ZNF740: variants seen among roughly 807,000 people sequenced by gnomAD.
ZNF740 encodes the protein oriLyt TD-element-binding protein 7.
A neutral mutation model predicts 24.8 loss-of-function variants in ZNF740; 14 were observed. That is an observed-to-expected ratio of 0.56 (90% confidence interval 0.37 to 0.88). The LOEUF (loss-of-function observed/expected upper bound fraction) is 0.88. Among genes scored for constraint, ZNF740 ranks in the 40% least tolerant of loss-of-function variants. The pLI is 0.00. For missense variants in ZNF740, 201 were observed against 247.9 expected (o/e 0.81, Z 1.27); for synonymous variants, 69 against 84.0 (o/e 0.82, Z 0.98).
At position 53,187,998 on chromosome 12, in the gene ZNF740, C is replaced by T. The variant is rs1004547911; in HGVS notation, c.*408C>T. 1.5e-5 allele frequency: 3 copies of T among 201,584 alleles called. No individual in the cohort carries two copies. Among genetic ancestry groups the T allele is most frequent in the African/African-American group, 2.3e-5 (1 of 43,330 alleles). 12.5% of individuals were successfully genotyped at this position (201,584 alleles called of 1,614,324 possible). On this transcript the variant is annotated 3_prime_UTR_variant, in exon 7 of 7. Coordinates refer to ENST00000416904, the MANE Select transcript of ZNF740 (RefSeq NM_001004304.4). ...TTTGTTTATCCAAAAGCAACTTCAGCGGGTAAACTGTGGATACAGGTAATC... is the reference window on the plus strand; with the variant it reads ...TTTGTTTATCCAAAAGCAACTTCAGTGGGTAAACTGTGGATACAGGTAATC...
At position 53,189,926 on chromosome 12, in the gene ZNF740, T is replaced by C. The variant is rs1377902813; in HGVS notation, c.*2336T>C. The C allele has an allele frequency of 1.3e-5, 2 of 151,662 alleles. No homozygotes were observed. Among genetic ancestry groups the C allele is most frequent in the Non-Finnish European group, 2.9e-5 (2 of 67,992 alleles). The allele number at this position is 151,662 out of a possible 1,614,324, so 9.4% of individuals were successfully genotyped here. A position where few individuals can be genotyped will look rare whatever the true frequency, so the allele number is the denominator to read the frequency against. The stretch of plus-strand genomic sequence containing the variant: ...ATAGGGGTGTATGTGGAGAGATTCA[T>C]GTAAGTCTCACATGAGTGACCTGTG... On this transcript the variant is annotated 3_prime_UTR_variant, in exon 7 of 7. Transcript: ENST00000416904.
chr12:53,192,846 T>G lies in ZNF740; in HGVS notation c.*5256T>G, dbSNP rs1235576801. 1.2e-6 allele frequency: 2 copies of G among 1,614,202 alleles called. No homozygotes were observed. Among genetic ancestry groups the G allele is most frequent in the East Asian group, 2.2e-5 (1 of 44,886 alleles). ...TGCAACTGTCCATGTCCCCACTGCATTCGCATGCTCTGCCCGTGCGGTTGG... is the reference window on the plus strand; with the variant it reads ...TGCAACTGTCCATGTCCCCACTGCAGTCGCATGCTCTGCCCGTGCGGTTGG... On this transcript the variant is annotated 3_prime_UTR_variant, in exon 7 of 7. Transcript: ENST00000416904.
In ZNF740 at chr12:53,193,263, G is replaced by T. The variant is rs746919390; in HGVS notation, c.*5673G>T. ...CAGTGACCCTTTCCACTGCACAGGG[G>T]CCCTGTGCCATTGGGAGCCCGGCAC... On this transcript the variant is annotated 3_prime_UTR_variant, in exon 7 of 7. Coordinates refer to ENST00000416904, the MANE Select transcript of ZNF740 (RefSeq NM_001004304.4). 11 of 1,613,632 alleles carry T rather than the reference G, an allele frequency of 6.8e-6. No individual in the cohort carries two copies. The highest frequency in any genetic ancestry group is 2.2e-5 in the South Asian group (2 of 91,068).
intron 6 of ZNF740, among the ~76,000 whole-genome samples, chr12:53,187,051 A>G (rs1178437810): frequency 1.3e-5 from 2 of 152,230 alleles, no homozygotes; most frequent in Non-Finnish European, 2.9e-5. Flanking sequence ...TCCTGGATGC[A>G]TTGCTAGGTC....
intron 1 of ZNF740, 81 bp from the exon 2 acceptor site, chr12:53,181,596 C>CA (rs370653283): frequency 8.9e-3 from 6,252 of 699,832 alleles, no homozygotes; most frequent in African/African-American, 0.015. Context: ...GAGCGCCCAG[C>CA]AAAAAAAAAA....
Position 53,186,417 on chromosome 12 carries a change from T to C in ZNF740, c.400T>C (p.Cys134Arg). ...TGAGAAGCCATTTGAATGCGATATA[T>C]GTGATATGCGTTTCATCCAGAAGTA... ...TGEKPFECDI[C>R]DMRFIQKYHL... The change falls in exon 6 of 7, where the codon TGT becomes CGT. Residue 134 changes from cysteine (C) to arginine (R), a missense_variant. Physicochemically the swap from Cys to Arg is radical, Grantham distance 180 (BLOSUM62 -3). Around this residue, in one of 3 missense-constraint regions of ZNF740, gnomAD observed 60 missense variants for 107.8 expected, o/e 0.56. Transcript: ENST00000416904. The C allele has an allele frequency of 6.3e-7, 1 of 1,586,174 alleles. No individual in the cohort carries two copies. Among genetic ancestry groups the C allele is most frequent in the Non-Finnish European group, 8.6e-7 (1 of 1,165,506 alleles).
rs1314561122 is a variant in ZNF740 at position 53,188,737 on chromosome 12, C to T, written c.*1147C>T. ...TCTCGGCTTGCTTCCTGATGGCCAT[C>T]CCTACCCAACAGAGTGTGGGGGATG... is the stretch of plus-strand genomic sequence containing the variant. On this transcript the variant is annotated 3_prime_UTR_variant, in exon 7 of 7. Coordinates refer to ENST00000416904, the MANE Select transcript of ZNF740 (RefSeq NM_001004304.4). 6.6e-6 allele frequency: 1 copy of T among 152,126 alleles called. No individual in the cohort carries two copies. Among genetic ancestry groups the T allele is most frequent in the Non-Finnish European group, 1.5e-5 (1 of 68,064 alleles). 9.4% of individuals were successfully genotyped at this position (152,126 alleles called of 1,614,324 possible). A position where few individuals can be genotyped will look rare whatever the true frequency, so the allele number is the denominator to read the frequency against.
intron 4 of ZNF740, among the ~76,000 whole-genome samples, 181 bp from the exon 5 acceptor site, chr12:53,185,773 C>CCCACT (rs1000833153): frequency 4.8e-4 from 73 of 152,324 alleles, no homozygotes; most frequent in African/African-American, 1.7e-3. Flanking sequence ...AGACAGCTTA[C>CCCACT]CCACTCCACC....
In ZNF740 at chr12:53,193,584, C is replaced by CTT. The variant is rs374740581; in HGVS notation, c.*5995_*5996insTT. On this transcript the variant is annotated 3_prime_UTR_variant, in exon 7 of 7. Transcript: ENST00000416904. ...ACATGGGAAGCTTCAAGGGATGAAA[C>CTT]TGAGTGGGGAGTCGGGATGTCGAGG... The CTT allele has an allele frequency of 1.9e-3, 1,701 of 908,704 alleles. 26 individuals carry two copies. The African/African-American group carries it at 0.026, about 14-fold the overall frequency. The allele number at this position is 908,704 out of a possible 1,614,324, so 56.3% of individuals were successfully genotyped here.
At chr12:53,187,367 C>T (rs1476596187) in intron 6 of ZNF740, 134 bp from the exon 7 acceptor site, 4 of 718,836 alleles carry the variant, frequency 5.6e-6, no homozygotes, top group Non-Finnish European at 9.7e-6. Flanking sequence ...TTCTCCACCA[C>T]CGTGTGCTCC....
At position 53,192,823 on chromosome 12, in the gene ZNF740, C is replaced by T. The variant is rs1017309968; in HGVS notation, c.*5233C>T. The T allele has an allele frequency of 8.1e-6, 13 of 1,614,234 alleles. No individual in the cohort carries two copies. The highest frequency in any genetic ancestry group is 1.1e-5 in the Non-Finnish European group (13 of 1,180,050). On this transcript the variant is annotated 3_prime_UTR_variant, in exon 7 of 7. Coordinates refer to ENST00000416904, the MANE Select transcript of ZNF740 (RefSeq NM_001004304.4). ...GCAGAGCCCTCCCTCGGGACTGATG[C>T]AACTGTCCATGTCCCCACTGCATTC...
chr12:53,187,318 C>G (rs1156992546), intron 6 of ZNF740, among the ~76,000 whole-genome samples, 183 bp from the exon 7 acceptor site: 2 of 152,156 alleles, frequency 1.3e-5, no homozygotes, highest in Non-Finnish European at 2.9e-5. Flanking sequence ...GTGATAGAGC[C>G]AAGATTCAGC....
At position 53,187,616 on chromosome 12, in the gene ZNF740, G is replaced by T; in HGVS notation, c.*26G>T. 1 of 1,592,652 alleles carries T rather than the reference G, an allele frequency of 6.3e-7. No individual in the cohort carries two copies. The highest frequency in any genetic ancestry group is 8.6e-7 in the Non-Finnish European group (1 of 1,160,766). On this transcript the variant is annotated 3_prime_UTR_variant, in exon 7 of 7. Transcript: ENST00000416904. ...GCGCAAGGGGCCCCGGGTGGTGGGAGTGATCAGAAGAACCTGCCGAAGAGC... is the reference window on the plus strand; with the variant it reads ...GCGCAAGGGGCCCCGGGTGGTGGGATTGATCAGAAGAACCTGCCGAAGAGC...
chr12:53,185,071 G>C (rs1383397919), intron 3 of ZNF740, 31 bp downstream of exon 3: 2 of 1,610,892 alleles, frequency 1.2e-6, no homozygotes, highest in Non-Finnish European at 1.7e-6. Flanking sequence ...GTGGCACCTG[G>C]GGATCGGGTG....
At position 53,180,768 on chromosome 12, in the gene ZNF740, G is replaced by C. The variant is rs757330442; in HGVS notation, c.-377G>C. The C allele has an allele frequency of 3.9e-6, 5 of 1,273,040 alleles. No individual in the cohort carries two copies. The South Asian group carries it at 6.3e-5, about 16-fold the overall frequency. The allele number at this position is 1,273,040 out of a possible 1,614,324, so 78.9% of individuals were successfully genotyped here. A position where few individuals can be genotyped will look rare whatever the true frequency, so the allele number is the denominator to read the frequency against. On this transcript the variant is annotated 5_prime_UTR_variant, in exon 1 of 7. Transcript: ENST00000416904. ...TGGGGGCAGCCGCGGCGGTGGGGTT[G>C]GCAGGGTGTGCTGGGGCCTGGAGGA...
rs369355544 is a variant in ZNF740, at chr12:53,181,929, A to G, written c.-55A>G. The G allele has an allele frequency of 1.9e-6, 3 of 1,591,170 alleles. No individual in the cohort carries two copies. Among genetic ancestry groups the G allele is most frequent in the African/African-American group, 2.7e-5 (2 of 74,562 alleles). ...TCTTCAAAACGACAGTGTCTCAAGG[A>G]AAGGTGGACCTAGGAACTCCTGAAC... On this transcript the variant is annotated 5_prime_UTR_variant, in exon 2 of 7. Transcript: ENST00000416904.
In ZNF740 at chr12:53,185,479, A is replaced by G; in HGVS notation, c.249+3A>G. ...ATTCAAAAAAGACTGTTAAAAAGGC[A>G]GGTAATGGGGTGATCCCCCAAACTC... On this transcript the variant is annotated splice_donor_region_variant and intron_variant, in intron 4 of 6. Coordinates refer to ENST00000416904, the MANE Select transcript of ZNF740 (RefSeq NM_001004304.4). 1.9e-6 allele frequency: 3 copies of G among 1,613,524 alleles called. No homozygotes were observed. Among genetic ancestry groups the G allele is most frequent in the Non-Finnish European group, 2.5e-6 (3 of 1,179,634 alleles).
Position 53,190,143 on chromosome 12 carries a change from G to A in ZNF740, c.*2553G>A, listed in dbSNP as rs898343368. 2.6e-5 allele frequency: 4 copies of A among 152,448 alleles called. No individual in the cohort carries two copies. The highest frequency in any genetic ancestry group is 1.3e-4 in the Admixed American group (2 of 15,284). 9.4% of individuals were successfully genotyped at this position (152,448 alleles called of 1,614,324 possible). A position where few individuals can be genotyped will look rare whatever the true frequency, so the allele number is the denominator to read the frequency against. On this transcript the variant is annotated 3_prime_UTR_variant, in exon 7 of 7. Coordinates refer to ENST00000416904, the MANE Select transcript of ZNF740 (RefSeq NM_001004304.4). ...AGGTGGTTGGTTCAGTTCCCGCGCT[G>A]ATGTCTGGGGCAGTGCATGTGTGAG...
rs773907278 is a variant in ZNF740 at position 53,192,019 on chromosome 12, T to C, written c.*4429T>C. ...AATGGCCTGCGTGTGGTCTGCTCCC[T>C]CTGTGAACAAGAAACCAGACACACT... On this transcript the variant is annotated 3_prime_UTR_variant, in exon 7 of 7. Coordinates refer to ENST00000416904, the MANE Select transcript of ZNF740 (RefSeq NM_001004304.4). The C allele has an allele frequency of 5.0e-6, 8 of 1,610,172 alleles. No individual in the cohort carries two copies. The highest frequency in any genetic ancestry group is 5.9e-6 in the Non-Finnish European group (7 of 1,178,018).
Sources: gnomAD v4.1 joint callset for allele counts (sites outside exome capture counted in the v4.1 genomes callset) on GRCh38, gnomAD v4.1.1 for gene constraint, gnomAD v4.1.1 regional missense constraint, MANE v1.5 for transcripts, NCBI Gene and HGNC (gene_info 2026-07-23, HGNC 2026-07-21) for gene names.